Variants in TNS3 observed in about 807,000 individuals in gnomAD.
TNS3 encodes tensin-3.
TNS3 carries 45 observed loss-of-function variants against 140.9 expected under a neutral mutation model. The observed-to-expected ratio is 0.32, with a 90% CI of 0.25 to 0.41. The LOEUF is 0.41. Ranked by LOEUF, TNS3 falls within the 10% of genes least tolerant of loss-of-function variation. The pLI is 1.00. For missense variants in TNS3, 1,716 were observed against 1,906.7 expected (o/e 0.90, Z 1.86); for synonymous variants, 815 against 788.4 (o/e 1.03, Z -0.56).
intron 6 of TNS3, among the ~76,000 whole-genome samples, chr7:47,438,039 A>AAATAATAATAATAAT (rs56039512): frequency 3.4e-5 from 5 of 147,672 alleles, no homozygotes; most frequent in African/African-American, 1.2e-4. Context: ...TTCAAAATGA[A>AAATAATAATAATAAT]AATAATAATA....
chr7:47,553,932 G>A (rs1044685640), intron 1 of TNS3, among the ~76,000 whole-genome samples: 2 of 151,946 alleles, frequency 1.3e-5, no homozygotes, highest in African/African-American at 2.4e-5. Flanking sequence ...AGCCTCCCGA[G>A]TAGCTGGGAT....
intron 18 of TNS3, 69 bp from the exon 19 acceptor site, chr7:47,345,107 G>A: frequency 7.7e-7 from 1 of 1,302,058 alleles, no homozygotes; most frequent in Middle Eastern, 2.0e-4. Context: ...AACAGTTGTG[G>A]TTGTGGCTCC....
At chr7:47,579,874 C>T in intron 1 of TNS3, 1 of 985,188 alleles carries the variant, frequency 1.0e-6, no homozygotes, top group Non-Finnish European at 1.2e-6. Context: ...CAGGTCTCTG[C>T]TATCCCCTTC....
At position 47,511,102 on chromosome 7, in the gene TNS3, A is replaced by G. The variant is rs141073448; in HGVS notation, c.-152-4158T>C. On this transcript the variant is annotated intron_variant, in intron 2 of 30. Coordinates refer to ENST00000311160, the MANE Select transcript of TNS3 (RefSeq NM_022748.12). The stretch of plus-strand genomic sequence containing the variant: ...CTTGGTGTGCAAGACAGGCCAGTGG[A>G]TTTTAATAAAACAGCGTAGGAAAAA... Among the ~76,000 whole-genome samples, 205 of 152,348 alleles carry G rather than the reference A, an allele frequency of 1.3e-3. 1 individual carries two copies. Among genetic ancestry groups the G allele is most frequent in the African/African-American group, 4.9e-3 (204 of 41,592 alleles).
intron 20 of TNS3, among the ~76,000 whole-genome samples, chr7:47,334,720 T>C (rs1788531969): frequency 6.6e-6 from 1 of 150,740 alleles, no homozygotes; most frequent in Non-Finnish European, 1.5e-5. Flanking sequence ...ATTTAAATCC[T>C]GCCTCAGCCT....
At chr7:47,417,834 C>T (rs1035703596) in intron 10 of TNS3, among the ~76,000 whole-genome samples, 4 of 151,842 alleles carry the variant, frequency 2.6e-5, no homozygotes, top group Non-Finnish European at 5.9e-5. Flanking sequence ...TAAAAAATAG[C>T]AATGCCTTAT....
rs552273314 is a variant in TNS3 at position 47,283,594 on chromosome 7, G to C, written c.4097+103C>G. On this transcript the variant is annotated intron_variant, in intron 28 of 30. Transcript: ENST00000311160. Reference sequence around the variant, plus strand: ...CTGGGTGACTCATGACCTCAAAGACGGCTAATGATTTACCTGGATGACTAC... The same window carrying C: ...CTGGGTGACTCATGACCTCAAAGACCGCTAATGATTTACCTGGATGACTAC... The C allele has an allele frequency of 4.5e-5, 53 of 1,168,534 alleles. No homozygotes were observed. In the East Asian group the frequency reaches 1.4e-3, roughly 32 times the overall value. The allele number at this position is 1,168,534 out of a possible 1,614,324, so 72.4% of individuals were successfully genotyped here.
intron 1 of TNS3, among the ~76,000 whole-genome samples, chr7:47,569,871 G>A (rs758697385): frequency 5.3e-5 from 8 of 150,426 alleles, no homozygotes; most frequent in Non-Finnish European, 7.4e-5. Flanking sequence ...AGAATAGGTC[G>A]GGCGTGGTGG....
Position 47,346,330 on chromosome 7 carries a change from C to T in TNS3, c.2308G>A (p.Gly770Arg), listed in dbSNP as rs757596115. 16 of 1,614,074 alleles carry T rather than the reference C, an allele frequency of 9.9e-6. No homozygotes were observed. Among genetic ancestry groups the T allele is most frequent in the South Asian group, 3.3e-5 (3 of 91,090 alleles). Residue 770 changes from glycine (G) to arginine (R), a missense_variant, in exon 18 of 31, where the codon GGG becomes AGG. Gly to Arg is a moderately radical substitution (Grantham distance 125). This residue lies in a region of TNS3 where 1,163 missense variants were observed against 1,182.1 expected (regional missense o/e 0.98). Transcript: ENST00000311160. Reference sequence around the variant, plus strand: ...CCCAGGCTCAGCTTCCTGAGTCTCCCGCCCAGGGGCTGTTCAGCAGAGGAG... The same window carrying T: ...CCCAGGCTCAGCTTCCTGAGTCTCCTGCCCAGGGGCTGTTCAGCAGAGGAG... ...QGSSAEQPLGGRLRKLSLGQY... is the reference protein window; with the variant it reads ...QGSSAEQPLGRRLRKLSLGQY...
At chr7:47,528,689 A>G (rs1299068609) in intron 2 of TNS3, among the ~76,000 whole-genome samples, 1 of 152,254 alleles carries the variant, frequency 6.6e-6, no homozygotes. Context: ...AAAGATAGAA[A>G]CATTTCATTC....
intron 3 of TNS3, 136 bp downstream of exon 3, chr7:47,506,771 A>G (rs1454667684): frequency 1.0e-5 from 5 of 496,916 alleles, no homozygotes; most frequent in Non-Finnish European, 1.7e-5. Flanking sequence ...AAAAGTATAC[A>G]CCGTACCCCA....
intron 4 of TNS3, among the ~76,000 whole-genome samples, chr7:47,462,058 C>G (rs1796512642): frequency 6.6e-6 from 1 of 152,216 alleles, no homozygotes; most frequent in Non-Finnish European, 1.5e-5. Context: ...CAGGTGGCTA[C>G]TTTTACCGGT....
chr7:47,311,501 TCAAAA>T (rs2150770978), intron 20 of TNS3, among the ~76,000 whole-genome samples: 1 of 149,458 alleles, frequency 6.7e-6, no homozygotes, highest in South Asian at 2.1e-4. Context: ...ACTCTAGAAC[TCAAAA>T]CAAAATAAAT....
intron 4 of TNS3, among the ~76,000 whole-genome samples, chr7:47,479,069 G>C (rs1389786104): frequency 3.3e-5 from 5 of 152,156 alleles, no homozygotes; most frequent in Admixed American, 1.3e-4. Context: ...CGCAGGGGGA[G>C]GGCTGTGCTC....
At position 47,389,036 on chromosome 7, in the gene TNS3, GA is replaced by G. The variant is rs1227259647; in HGVS notation, c.1024+7763del. Among the ~76,000 whole-genome samples, 12 of 26,902 alleles carry G rather than the reference GA, an allele frequency of 4.5e-4. 2 individuals are homozygous for G. The highest frequency in any genetic ancestry group is 1.9e-3 in the African/African-American group (12 of 6,322). 17.6% of individuals were successfully genotyped at this position (26,902 alleles called of 152,430 possible). A position where few individuals can be genotyped will look rare whatever the true frequency, so the allele number is the denominator to read the frequency against. On this transcript the variant is annotated intron_variant, in intron 16 of 30. Transcript: ENST00000311160. ...AGAAGAAGAAGAAGAAGAAGAAGAA[GA>G]AGAAGAAGAAGAAGAAGAAGAAGAA...
At chr7:47,350,608 C>T (rs1789610343) in intron 17 of TNS3, among the ~76,000 whole-genome samples, 2 of 152,182 alleles carry the variant, frequency 1.3e-5, no homozygotes, top group Admixed American at 1.3e-4. Context: ...GTCCTGTCAC[C>T]AGCAGTAGAT....
chr7:47,293,899 C>T, intron 24 of TNS3, 71 bp from the exon 25 acceptor site: 1 of 1,410,934 alleles, frequency 7.1e-7, no homozygotes, highest in Non-Finnish European at 1.0e-6. Context: ...ATAGAGAGAA[C>T]ATAAAAGCCA....
intron 17 of TNS3, among the ~76,000 whole-genome samples, chr7:47,362,504 T>C (rs1379469439): frequency 6.6e-6 from 1 of 152,146 alleles, no homozygotes; most frequent in East Asian, 1.9e-4. Context: ...TCTTCCTGCA[T>C]GCCAGGGAAA....
rs1799593871 is a variant in TNS3, at chr7:47,536,286, G to A, written c.-264-7139C>T. 1.3e-5 allele frequency among the ~76,000 whole-genome samples: 2 copies of A among 151,654 alleles called. 1 individual carries two copies. Among genetic ancestry groups the A allele is most frequent in the South Asian group, 4.2e-4 (2 of 4,776 alleles). On this transcript the variant is annotated intron_variant, in intron 1 of 30. Coordinates refer to ENST00000311160, the MANE Select transcript of TNS3 (RefSeq NM_022748.12). The stretch of plus-strand genomic sequence containing the variant: ...ACAAATGCAATAACTTAGGGAAAGG[G>A]AGGCTGAACCTAGCGGGGAGCCAAC...
Sources: gnomAD v4.1 joint callset for allele counts (sites outside exome capture counted in the v4.1 genomes callset) on GRCh38, gnomAD v4.1.1 for gene constraint, gnomAD v4.1.1 regional missense constraint, MANE v1.5 for transcripts, NCBI Gene and HGNC (gene_info 2026-07-23, HGNC 2026-07-21) for gene names.